FAM53B: variants seen among roughly 807,000 people sequenced by gnomAD.
FAM53B encodes protein FAM53B.
Under a neutral mutation model 32.7 loss-of-function variants are expected in FAM53B, and 12 were observed. The ratio of observed to expected loss-of-function variants is 0.37; its 90% CI spans 0.24 to 0.59. The LOEUF (loss-of-function observed/expected upper bound fraction) is 0.59, where lower values mean the gene tolerates loss of function less well. Among genes scored for constraint, FAM53B ranks in the 20% least tolerant of loss-of-function variants. FAM53B has a pLI of 0.72. For synonymous variants in FAM53B, 234 were observed against 228.7 expected, an observed-to-expected ratio of 1.02 and a Z score of -0.21; for missense variants, 477 against 577.7, an observed-to-expected ratio of 0.83 and a Z score of 1.79.
In FAM53B at chr10:124,623,281, C is replaced by T. The variant is rs1277620751; in HGVS notation, c.1230G>A (p.Leu410=). The T allele has an allele frequency of 1.8e-5, 29 of 1,610,770 alleles. No homozygotes were observed. The highest frequency in any genetic ancestry group is 2.5e-5 in the Non-Finnish European group (29 of 1,179,034). ...TCTGCTCAATGTCCAACTCGCCGTC[C>T]AGGGAGCAGAGGCTGTTCCCAGGGG... ...RGAPGNSLCS[L]DGELDIEQIE... The change falls in exon 5 of 5, where the codon CTG becomes CTA. Residue 410 remains leucine (L), a synonymous_variant. Transcript: ENST00000337318.
At chr10:124,635,499 A>G (rs1045976214) in intron 4 of FAM53B, among the ~76,000 whole-genome samples, 3 of 152,240 alleles carry the variant, frequency 2.0e-5, no homozygotes, top group Non-Finnish European at 4.4e-5. Flanking sequence ...CTAAAATGAC[A>G]GAGAAACCGT....
In FAM53B at chr10:124,622,338, A is replaced by T. The variant is rs902591210; in HGVS notation, c.*904T>A. ...GCTCCCGTCTCCCGAGGCCGTTTTC[A>T]AGAGGCTGCCCTGGTATCGTGCCAT... is the stretch of plus-strand genomic sequence containing the variant. On this transcript the variant is annotated 3_prime_UTR_variant, in exon 5 of 5. Transcript: ENST00000337318. The T allele has an allele frequency of 1.3e-5, 2 of 152,232 alleles. No homozygotes were observed. The highest frequency in any genetic ancestry group is 4.8e-5 in the African/African-American group (2 of 41,386). 9.4% of individuals were successfully genotyped at this position (152,232 alleles called of 1,614,324 possible).
intron 4 of FAM53B, among the ~76,000 whole-genome samples, chr10:124,666,907 AG>A (rs1949676359): frequency 6.6e-6 from 1 of 152,228 alleles, no homozygotes; most frequent in Non-Finnish European, 1.5e-5. Context: ...CAGAGGGCAC[AG>A]CCCAGAGCAC....
intron 4 of FAM53B, among the ~76,000 whole-genome samples, chr10:124,648,483 C>T (rs1021901024): frequency 6.6e-6 from 1 of 152,220 alleles, no homozygotes; most frequent in Non-Finnish European, 1.5e-5. Flanking sequence ...CCTTGGGAGC[C>T]TCCCCCATCT....
At chr10:124,656,667 T>C (rs1470346970) in intron 4 of FAM53B, among the ~76,000 whole-genome samples, 6 of 152,184 alleles carry the variant, frequency 3.9e-5, no homozygotes, top group African/African-American at 7.2e-5. Flanking sequence ...GATGAGATCA[T>C]AGGTGATGTG....
In FAM53B at chr10:124,669,919, G is replaced by T. The variant is rs1311714229; in HGVS notation, c.906+11688C>A. On this transcript the variant is annotated intron_variant, in intron 4 of 4. Coordinates refer to ENST00000337318, the MANE Select transcript of FAM53B (RefSeq NM_014661.4). ...AGGGTGGGTAAGGACCATAGGGTGG[G>T]TGAGGATTACAGGGTGGGTGAGGAT... Among the ~76,000 whole-genome samples the T allele has an allele frequency of 5.7e-4, 4 of 7,062 alleles. No individual in the cohort carries two copies. The South Asian group carries it at 0.024, about 42-fold the overall frequency. The allele number at this position is 7,062 out of a possible 152,430, so 4.6% of individuals were successfully genotyped here. A position where few individuals can be genotyped will look rare whatever the true frequency, so the allele number is the denominator to read the frequency against.
chr10:124,674,713 G>A (rs1183715227), intron 4 of FAM53B, among the ~76,000 whole-genome samples: 1 of 152,248 alleles, frequency 6.6e-6, no homozygotes, highest in African/African-American at 2.4e-5. Flanking sequence ...TCTTACTCTG[G>A]CTTCCATGAA....
chr10:124,647,732 C>G (rs1349411604), intron 4 of FAM53B, among the ~76,000 whole-genome samples: 1 of 152,164 alleles, frequency 6.6e-6, no homozygotes, highest in Non-Finnish European at 1.5e-5. Flanking sequence ...CCCCCTCCCC[C>G]AGGGCACCTC....
At position 124,621,042 on chromosome 10, in the gene FAM53B, G is replaced by C. The variant is rs962128386; in HGVS notation, c.*2200C>G. 1 of 152,250 alleles carries C rather than the reference G, an allele frequency of 6.6e-6. No individual in the cohort carries two copies. The highest frequency in any genetic ancestry group is 1.5e-5 in the Non-Finnish European group (1 of 68,066). The allele number at this position is 152,250 out of a possible 1,614,324, so 9.4% of individuals were successfully genotyped here. A position where few individuals can be genotyped will look rare whatever the true frequency, so the allele number is the denominator to read the frequency against. The stretch of plus-strand genomic sequence containing the variant: ...TTGAGGGCAGGTCACCCACACCCCA[G>C]TCCCACGACATATACCTGTCACCAT... On this transcript the variant is annotated 3_prime_UTR_variant, in exon 5 of 5. Transcript: ENST00000337318.
chr10:124,675,458 G>A (rs920899376), intron 4 of FAM53B, among the ~76,000 whole-genome samples: 11 of 152,146 alleles, frequency 7.2e-5, no homozygotes, highest in African/African-American at 2.7e-4. Context: ...CAGAAGAAAG[G>A]CTGCAGCAGG....
chr10:124,700,313 C>T (rs762856322), intron 2 of FAM53B, among the ~76,000 whole-genome samples: 32 of 152,208 alleles, frequency 2.1e-4, no homozygotes, highest in Non-Finnish European at 4.4e-4. Flanking sequence ...CTTTCCAACA[C>T]TTTGAACCTC....
intron 4 of FAM53B, among the ~76,000 whole-genome samples, chr10:124,661,217 G>A (rs1949629397): frequency 1.3e-5 from 2 of 152,134 alleles, no homozygotes; most frequent in Admixed American, 6.6e-5. Context: ...GGAGGTTCCA[G>A]GGGTCTGTCC....
At chr10:124,669,223 G>A (rs993716407) in intron 4 of FAM53B, among the ~76,000 whole-genome samples, 2 of 152,246 alleles carry the variant, frequency 1.3e-5, no homozygotes, top group Non-Finnish European at 2.9e-5. Flanking sequence ...CCACTTGAGG[G>A]ATGTAACGCG....
chr10:124,698,873 A>C (rs1949893130), intron 2 of FAM53B, among the ~76,000 whole-genome samples: 1 of 152,184 alleles, frequency 6.6e-6, no homozygotes. Context: ...AATCCCGGCC[A>C]CTACCTCTCC....
chr10:124,641,963 G>A (rs565454808), intron 4 of FAM53B, among the ~76,000 whole-genome samples: 1 of 152,380 alleles, frequency 6.6e-6, no homozygotes, highest in Non-Finnish European at 1.5e-5. Context: ...TAGAGAGGCT[G>A]AGGAACCTGC....
Position 124,622,958 on chromosome 10 carries a change from A to T in FAM53B, c.*284T>A. 1 of 385,246 alleles carries T rather than the reference A, an allele frequency of 2.6e-6. No individual in the cohort carries two copies. The highest frequency in any genetic ancestry group is 4.7e-6 in the Non-Finnish European group (1 of 213,724). The allele number at this position is 385,246 out of a possible 1,614,324, so 23.9% of individuals were successfully genotyped here. A position where few individuals can be genotyped will look rare whatever the true frequency, so the allele number is the denominator to read the frequency against. On this transcript the variant is annotated 3_prime_UTR_variant, in exon 5 of 5. Transcript: ENST00000337318. ...CAACATCCCACAGGGAAAGAGGCAG[A>T]AAAGACGCAAACTTCAAAGCTGTCC... is the stretch of plus-strand genomic sequence containing the variant.
At chr10:124,713,466 T>A (rs1004895129) in intron 1 of FAM53B, 5 of 152,260 alleles carry the variant, frequency 3.3e-5, no homozygotes. Flanking sequence ...TTGCAACCGC[T>A]GAACACAGCT....
chr10:124,645,290 TCTC>T (rs544090903), intron 4 of FAM53B, among the ~76,000 whole-genome samples: 45 of 152,344 alleles, frequency 3.0e-4, no homozygotes, highest in Admixed American at 2.9e-3. Context: ...AATCCCTTCT[TCTC>T]TTTAATTTTT....
In FAM53B at chr10:124,623,146, C is replaced by G; in HGVS notation, c.*96G>C. On this transcript the variant is annotated 3_prime_UTR_variant, in exon 5 of 5. Coordinates refer to ENST00000337318, the MANE Select transcript of FAM53B (RefSeq NM_014661.4). The stretch of plus-strand genomic sequence containing the variant: ...CACCACTCAGGAAGCTTTCATCAGG[C>G]CCACGAGTTGGGCTCCCCTTCAAGG... 2.1e-6 allele frequency: 3 copies of G among 1,445,780 alleles called. No individual in the cohort carries two copies. The highest frequency in any genetic ancestry group is 2.8e-5 in the South Asian group (2 of 72,372). The allele number at this position is 1,445,780 out of a possible 1,614,324, so 89.6% of individuals were successfully genotyped here. A position where few individuals can be genotyped will look rare whatever the true frequency, so the allele number is the denominator to read the frequency against.
Sources: gnomAD v4.1 joint callset for allele counts (sites outside exome capture counted in the v4.1 genomes callset) on GRCh38, gnomAD v4.1.1 for gene constraint, MANE v1.5 for transcripts, NCBI Gene and HGNC (gene_info 2026-07-23, HGNC 2026-07-21) for gene names.